Variants in CEP112 observed in about 807,000 individuals in gnomAD.
CEP112 encodes the protein centrosomal protein 112.
In CEP112, 127 loss-of-function variants were observed where a neutral mutation model predicts 153.0. The ratio of observed to expected loss-of-function variants is 0.83; its 90% CI spans 0.72 to 0.96. The LOEUF (loss-of-function observed/expected upper bound fraction) is 0.96, where lower values mean the gene tolerates loss of function less well. Among genes scored for constraint, CEP112 ranks in the 40% least tolerant of loss-of-function variants. CEP112 has a pLI of 0.00. For synonymous variants in CEP112, 358 were observed against 374.4 expected (o/e 0.96, Z 0.51); for missense variants, 1,089 against 1,101.2 (o/e 0.99, Z 0.16).
Position 65,689,236 on chromosome 17 carries a change from A to G in CEP112, c.2608-18T>C, listed in dbSNP as rs1567867023. 1 of 1,561,130 alleles carries G rather than the reference A, an allele frequency of 6.4e-7. No homozygotes were observed. The highest frequency in any genetic ancestry group is 1.1e-5 in the South Asian group (1 of 89,918). The stretch of plus-strand genomic sequence containing the variant: ...TGTAAAACCTGAAACGGTATAAAAT[A>G]AAGATATCATTAATAATTAGCACAC... On this transcript the variant is annotated intron_variant, in intron 23 of 26. Transcript: ENST00000535342.
At chr17:66,158,340 CAGT>C (rs553346414) in intron 4 of CEP112, among the ~76,000 whole-genome samples, 23 of 152,218 alleles carry the variant, frequency 1.5e-4, no homozygotes, top group African/African-American at 5.1e-4. Context: ...TGGCTGGGCA[CAGT>C]AGCTCACACC....
At position 65,770,251 on chromosome 17, in the gene CEP112, A is replaced by C. The variant is rs186103809; in HGVS notation, c.2395-19527T>G. Among the ~76,000 whole-genome samples, 854 of 152,158 alleles carry C rather than the reference A, an allele frequency of 5.6e-3. 5 individuals are homozygous for C. The highest frequency in any genetic ancestry group is 0.02 in the African/African-American group (821 of 41,566). On this transcript the variant is annotated intron_variant, in intron 21 of 26. Transcript: ENST00000535342. ...GAAATAAATATAAAATCTTATAAGA[A>C]GCCAGAGAAAACAGATACATTAAAA...
At chr17:66,116,345 C>T (rs1218065455) in intron 6 of CEP112, among the ~76,000 whole-genome samples, 1 of 151,976 alleles carries the variant, frequency 6.6e-6, no homozygotes, top group Non-Finnish European at 1.5e-5. Flanking sequence ...TGCAAAGATC[C>T]AGCTTCTGTT....
At chr17:65,952,744 C>A (rs999981623) in intron 18 of CEP112, among the ~76,000 whole-genome samples, 11 of 152,280 alleles carry the variant, frequency 7.2e-5, no homozygotes, top group African/African-American at 2.6e-4. Flanking sequence ...ATAAGAGCTT[C>A]AATTGCACCA....
At chr17:65,654,440 A>G (rs2045954880) in intron 24 of CEP112, among the ~76,000 whole-genome samples, 1 of 152,210 alleles carries the variant, frequency 6.6e-6, no homozygotes, top group African/African-American at 2.4e-5. Flanking sequence ...TTCCCTGTTC[A>G]TAGGAACCGT....
chr17:66,104,097 C>G (rs1218966524), intron 6 of CEP112, among the ~76,000 whole-genome samples: 3 of 152,152 alleles, frequency 2.0e-5, no homozygotes, highest in Non-Finnish European at 2.9e-5. Flanking sequence ...TGATGCTGTG[C>G]TGAGCTCAAA....
In CEP112 at chr17:65,856,983, G is replaced by A. The variant is rs993419187; in HGVS notation, c.2164-4949C>T. On this transcript the variant is annotated intron_variant, in intron 20 of 26. Transcript: ENST00000535342. ...CAGAGATATTGTGTGTTTGGTTCCCGACCACCTCAATAAAGCAAATATTGC... is the reference window on the plus strand; with the variant it reads ...CAGAGATATTGTGTGTTTGGTTCCCAACCACCTCAATAAAGCAAATATTGC... 1.4e-4 allele frequency among the ~76,000 whole-genome samples: 22 copies of A among 152,080 alleles called. 1 individual carries two copies.
intron 20 of CEP112, among the ~76,000 whole-genome samples, chr17:65,889,963 T>C (rs1023134277): frequency 4.6e-5 from 7 of 152,168 alleles, no homozygotes; most frequent in Non-Finnish European, 1.0e-4. Context: ...TTGACAGTTA[T>C]GGTCTCTAAA....
intron 12 of CEP112, among the ~76,000 whole-genome samples, chr17:66,032,133 T>C (rs1486209513): frequency 6.6e-6 from 1 of 152,094 alleles, no homozygotes; most frequent in African/African-American, 2.4e-5. Context: ...ATCTGAGTAT[T>C]GGAATTACAG....
At chr17:65,936,273 AG>A (rs1568255051) in intron 18 of CEP112, among the ~76,000 whole-genome samples, 2 of 152,314 alleles carry the variant, frequency 1.3e-5, no homozygotes, top group Admixed American at 1.3e-4. Context: ...AGAGAAGCTC[AG>A]GACATGATGA....
chr17:65,723,761 C>T (rs2050024656), intron 23 of CEP112, among the ~76,000 whole-genome samples: 1 of 152,208 alleles, frequency 6.6e-6, no homozygotes, highest in Admixed American at 6.5e-5. Flanking sequence ...AAGGAACAAT[C>T]TCCCCTTTCA....
intron 23 of CEP112, among the ~76,000 whole-genome samples, chr17:65,704,420 T>TACACAC (rs3074178): frequency 0.058 from 8,571 of 147,714 alleles, 436 homozygotes; most frequent in East Asian, 0.26. Context: ...ACGTGTAAAA[T>TACACAC]ACACACACAC....
intron 21 of CEP112, among the ~76,000 whole-genome samples, chr17:65,782,494 C>A (rs951305773): frequency 4.6e-5 from 7 of 152,078 alleles, no homozygotes; most frequent in Non-Finnish European, 8.8e-5. Context: ...ACTGGGTATA[C>A]AACCAAAAGA....
At chr17:66,162,867 C>T (rs1261399013) in intron 4 of CEP112, among the ~76,000 whole-genome samples, 3 of 152,080 alleles carry the variant, frequency 2.0e-5, no homozygotes, top group African/African-American at 7.2e-5. Flanking sequence ...AAGCTTTACA[C>T]TTTGATGTGT....
intron 16 of CEP112, among the ~76,000 whole-genome samples, chr17:66,022,495 T>C (rs912996255): frequency 1.3e-5 from 2 of 151,694 alleles, no homozygotes; most frequent in Non-Finnish European, 2.9e-5. Flanking sequence ...GATCACAAGG[T>C]CAGGAGATCA....
At chr17:65,989,605 A>ATTT (rs2063525214) in intron 17 of CEP112, among the ~76,000 whole-genome samples, 2 of 152,344 alleles carry the variant, frequency 1.3e-5, no homozygotes, top group South Asian at 4.1e-4. Context: ...ACCATCTTAC[A>ATTT]ACAAATGCTA....
At chr17:66,072,165 A>T (rs1409227337) in intron 8 of CEP112, among the ~76,000 whole-genome samples, 4 of 152,086 alleles carry the variant, frequency 2.6e-5, no homozygotes, top group African/African-American at 9.7e-5. Context: ...TTACTTCCTC[A>T]ATTATTTGTA....
intron 21 of CEP112, among the ~76,000 whole-genome samples, chr17:65,752,014 T>TCATCCATC (rs150841318): frequency 3.8e-3 from 306 of 81,054 alleles, no homozygotes; most frequent in African/African-American, 0.011. Context: ...ACTGTTCCTT[T>TCATCCATC]CATCCATCCA....
intron 21 of CEP112, among the ~76,000 whole-genome samples, chr17:65,771,546 T>C (rs2053355818): frequency 6.6e-6 from 1 of 152,202 alleles, no homozygotes; most frequent in African/African-American, 2.4e-5. Flanking sequence ...ACTTGACCAT[T>C]AATCAAGATA....
Sources: gnomAD v4.1 joint callset for allele counts (sites outside exome capture counted in the v4.1 genomes callset) on GRCh38, gnomAD v4.1.1 for gene constraint, MANE v1.5 for transcripts, NCBI Gene and HGNC (gene_info 2026-07-23, HGNC 2026-07-21) for gene names.